PTPRT: variants seen among roughly 807,000 people sequenced by gnomAD.
PTPRT encodes the protein receptor-type tyrosine-protein phosphatase T.
In PTPRT, 56 loss-of-function variants were observed where a neutral mutation model predicts 176.8. The ratio of observed to expected loss-of-function variants is 0.32; its 90% CI spans 0.26 to 0.40. The LOEUF is 0.40. Ranked by LOEUF, PTPRT falls within the 10% of genes least tolerant of loss-of-function variation. The probability of loss-of-function intolerance (pLI) is 1.00; values close to 1 mark genes in which losing one functional copy is unlikely to be tolerated. For missense variants in PTPRT, 1,540 were observed against 1,908.2 expected (o/e 0.81, Z 3.60); for synonymous variants, 783 against 739.0 (o/e 1.06, Z -0.96).
At chr20:42,241,211 C>T in intron 14 of PTPRT, among the ~76,000 whole-genome samples, 1 of 152,088 alleles carries the variant, frequency 6.6e-6, no homozygotes, top group East Asian at 1.9e-4. Context: ...GCTGTCAGTC[C>T]ATACCTGGGG....
At chr20:43,028,949 C>T (rs149481441) in intron 1 of PTPRT, among the ~76,000 whole-genome samples, 4 of 152,246 alleles carry the variant, frequency 2.6e-5, no homozygotes, top group South Asian at 2.1e-4. Flanking sequence ...AGAGTCAATT[C>T]TTTATGCATC....
intron 7 of PTPRT, among the ~76,000 whole-genome samples, chr20:42,632,547 C>A (rs2074434745): frequency 6.6e-6 from 1 of 151,884 alleles, no homozygotes; most frequent in Non-Finnish European, 1.5e-5. Flanking sequence ...CTTTTAAAAC[C>A]AGCCGTTCAC....
the PTPRT span, among the ~76,000 whole-genome samples, chr20:42,049,908 T>C: frequency 6.6e-6 from 1 of 152,230 alleles, no homozygotes; most frequent in Non-Finnish European, 1.5e-5. Context: ...CTCAGGCTGA[T>C]GCTCCCCATA....
Position 42,162,352 on chromosome 20 carries a change from G to C in PTPRT, c.2492-810C>G, listed in dbSNP as rs117069650. Among the ~76,000 whole-genome samples the C allele has an allele frequency of 6.7e-3, 1,013 of 152,252 alleles. 9 individuals are homozygous for C. Among genetic ancestry groups the C allele is most frequent in the South Asian group, 0.011 (54 of 4,816 alleles). On this transcript the variant is annotated intron_variant, in intron 16 of 30. Transcript: ENST00000373187. ...TGATGTAGGATCTATATTCTCTCTT[G>C]ATAAAAACCTTTTCATCCAATGAGT...
the PTPRT span, among the ~76,000 whole-genome samples, chr20:42,043,771 C>A: frequency 2.6e-4 from 40 of 152,328 alleles, 1 homozygote; most frequent in South Asian, 5.6e-3. Context: ...TATCATCTTA[C>A]AGTGATGTTG....
intron 2 of PTPRT, among the ~76,000 whole-genome samples, chr20:42,806,462 G>A (rs1462123544): frequency 4.4e-5 from 6 of 137,200 alleles, no homozygotes; most frequent in African/African-American, 1.4e-4. Flanking sequence ...CCAGCCTGGC[G>A]ACAGAGCAAG....
intron 2 of PTPRT, among the ~76,000 whole-genome samples, chr20:42,830,442 A>C (rs764572884): frequency 1.3e-5 from 2 of 152,196 alleles, no homozygotes; most frequent in Non-Finnish European, 2.9e-5. Context: ...TTCAAAGAAC[A>C]TATCTCAAAA....
intron 1 of PTPRT, among the ~76,000 whole-genome samples, chr20:43,020,300 GA>G (rs1568737218): frequency 6.7e-6 from 1 of 150,056 alleles, no homozygotes; most frequent in African/African-American, 2.4e-5. Flanking sequence ...ATATTCAAAA[GA>G]AAAAAATGTA....
chr20:42,740,156 G>T (rs2076587215), intron 6 of PTPRT, among the ~76,000 whole-genome samples: 1 of 152,194 alleles, frequency 6.6e-6, no homozygotes, highest in African/African-American at 2.4e-5. Flanking sequence ...AAACTACAAG[G>T]TGTGGATCTG....
chr20:42,960,349 C>A lies in PTPRT; in HGVS notation c.89-74417G>T, dbSNP rs1454777276. On this transcript the variant is annotated intron_variant, in intron 1 of 30. Transcript: ENST00000373187. Reference sequence around the variant, plus strand: ...CTGCTTCCAAGATGGCACCTTCTTGCTGTGTCCTCACAGGGTGGAAGGGGA... The same window carrying A: ...CTGCTTCCAAGATGGCACCTTCTTGATGTGTCCTCACAGGGTGGAAGGGGA... Among the ~76,000 whole-genome samples the A allele has an allele frequency of 3.3e-5, 5 of 152,100 alleles. 1 individual carries two copies. The South Asian group carries it at 8.3e-4, about 25-fold the overall frequency.
intron 4 of PTPRT, among the ~76,000 whole-genome samples, chr20:42,775,711 T>C (rs2077125634): frequency 6.6e-6 from 1 of 152,182 alleles, no homozygotes; most frequent in South Asian, 2.1e-4. Context: ...GCCAATCAAT[T>C]GAAGATACAA....
intron 6 of PTPRT, among the ~76,000 whole-genome samples, chr20:42,696,462 T>TA (rs1569091327): frequency 3.2e-4 from 48 of 150,574 alleles, no homozygotes; most frequent in African/African-American, 9.3e-4. Context: ...TGAATTATTT[T>TA]TTTTTTTTTT....
At chr20:42,093,260 G>A (rs1430230596) in intron 27 of PTPRT, among the ~76,000 whole-genome samples, 1 of 152,182 alleles carries the variant, frequency 6.6e-6, no homozygotes, top group Non-Finnish European at 1.5e-5. Context: ...GGATGTGGTT[G>A]AAAATGTTCT....
chr20:42,938,313 T>C (rs1202600555), intron 1 of PTPRT, among the ~76,000 whole-genome samples: 1 of 152,198 alleles, frequency 6.6e-6, no homozygotes, highest in Non-Finnish European at 1.5e-5. Flanking sequence ...CAGGAAGGAT[T>C]ACCCCTAGAG....
chr20:42,150,692 C>A (rs1214999366), intron 17 of PTPRT, among the ~76,000 whole-genome samples: 1 of 152,168 alleles, frequency 6.6e-6, no homozygotes, highest in African/African-American at 2.4e-5. Context: ...CAAATAAGTT[C>A]ACCACTTCGA....
chr20:42,523,753 T>G (rs930932615), intron 7 of PTPRT, among the ~76,000 whole-genome samples: 1 of 152,158 alleles, frequency 6.6e-6, no homozygotes, highest in Non-Finnish European at 1.5e-5. Flanking sequence ...TTCTAAACAT[T>G]TTTTACCCTC....
chr20:43,072,075 C>T (rs1179450275), intron 1 of PTPRT, among the ~76,000 whole-genome samples: 2 of 152,192 alleles, frequency 1.3e-5, no homozygotes, highest in Admixed American at 6.5e-5. Flanking sequence ...TCCTCACAGC[C>T]TGGCACATGG....
intron 4 of PTPRT, among the ~76,000 whole-genome samples, chr20:42,777,320 C>G (rs540025020): frequency 2.0e-5 from 3 of 152,296 alleles, no homozygotes; most frequent in Admixed American, 2.0e-4. Flanking sequence ...ATGCTGGCAG[C>G]ATCAAGCCAA....
At chr20:42,713,472 T>C (rs1292403639) in intron 6 of PTPRT, among the ~76,000 whole-genome samples, 1 of 152,190 alleles carries the variant, frequency 6.6e-6, no homozygotes, top group Non-Finnish European at 1.5e-5. Flanking sequence ...TTTTCTCTTC[T>C]CTATTCCCAG....
Sources: gnomAD v4.1 joint callset for allele counts (sites outside exome capture counted in the v4.1 genomes callset) on GRCh38, gnomAD v4.1.1 for gene constraint, MANE v1.5 for transcripts, NCBI Gene and HGNC (gene_info 2026-07-23, HGNC 2026-07-21) for gene names.